Variants in STOML2 observed in about 807,000 individuals in gnomAD.
STOML2 encodes the protein stomatin-like protein 2, mitochondrial.
Under a neutral mutation model 45.7 loss-of-function variants are expected in STOML2, and 22 were observed. The ratio of observed to expected loss-of-function variants is 0.48; its 90% CI spans 0.34 to 0.69. The LOEUF (loss-of-function observed/expected upper bound fraction) is 0.69. Ranked by LOEUF, STOML2 falls within the 30% of genes least tolerant of loss-of-function variation. The pLI is 0.01. For synonymous variants in STOML2, 181 were observed against 182.7 expected, an observed-to-expected ratio of 0.99 and a Z score of 0.08; for missense variants, 359 against 466.9, an observed-to-expected ratio of 0.77 and a Z score of 2.13.
In STOML2 at chr9:35,102,150, C is replaced by T. The variant is rs1306097394; in HGVS notation, c.228G>A (p.Val76=). ...LIPVLDRIRY[V]QSLKEIVINV... ...TGATGACAATTTCCTTGAGACTCTG[C>T]ACATATCGGATCCGGTCTAACACAG... The change falls in exon 3 of 10, where the codon GTG becomes GTA. Residue 76 remains valine (V), a synonymous_variant. Coordinates refer to ENST00000356493, the MANE Select transcript of STOML2 (RefSeq NM_013442.3). The surrounding 1 kb of genome is among the most constrained non-coding windows in gnomAD (Gnocchi z 4.8). The T allele has an allele frequency of 6.2e-7, 1 of 1,613,836 alleles. No homozygotes were observed. The highest frequency in any genetic ancestry group is 8.5e-7 in the Non-Finnish European group (1 of 1,180,012).
In STOML2 at chr9:35,099,811, G is replaced by C. The variant is rs867145896; in HGVS notation, c.*224C>G. The C allele has an allele frequency of 1.9e-6, 1 of 515,402 alleles. No homozygotes were observed. Among genetic ancestry groups the C allele is most frequent in the African/African-American group, 1.9e-5 (1 of 52,572 alleles). 31.9% of individuals were successfully genotyped at this position (515,402 alleles called of 1,614,324 possible). ...TACAAGAAGTTCACTCTTATTCATG[G>C]AGGCATCATGCTGACAGGACTGGAT... On this transcript the variant is annotated 3_prime_UTR_variant, in exon 10 of 10. Coordinates refer to ENST00000356493, the MANE Select transcript of STOML2 (RefSeq NM_013442.3).
At position 35,102,555 on chromosome 9, in the gene STOML2, C is replaced by T; in HGVS notation, c.183+131G>A. 1.4e-6 allele frequency: 2 copies of T among 1,430,632 alleles called. No homozygotes were observed. The highest frequency in any genetic ancestry group is 9.4e-7 in the Non-Finnish European group (1 of 1,061,274). The allele number at this position is 1,430,632 out of a possible 1,614,324, so 88.6% of individuals were successfully genotyped here. A position where few individuals can be genotyped will look rare whatever the true frequency, so the allele number is the denominator to read the frequency against. ...TGGGGATGATGGTCAGCAGCCTGGG[C>T]CCTGTCAGGTCTGGCCTACAGAGTC... On this transcript the variant is annotated intron_variant, in intron 2 of 9. Coordinates refer to ENST00000356493, the MANE Select transcript of STOML2 (RefSeq NM_013442.3). The surrounding 1 kb of genome is among the most constrained non-coding windows in gnomAD (Gnocchi z 4.8).
Position 35,102,035 on chromosome 9 carries a change from G to T in STOML2, c.283+60C>A. On this transcript the variant is annotated intron_variant, in intron 3 of 9. Coordinates refer to ENST00000356493, the MANE Select transcript of STOML2 (RefSeq NM_013442.3). This position sits in a 1 kb window ranked among gnomAD's most constrained non-coding sequence, Gnocchi z 4.8. ...AACCAGTTCTTTCTACTAAGCTCTG[G>T]ATCTACAGCAACCACATCCTAATAG... The T allele has an allele frequency of 3.7e-6, 6 of 1,612,476 alleles. No homozygotes were observed. Among genetic ancestry groups the T allele is most frequent in the Non-Finnish European group, 4.2e-6 (5 of 1,178,592 alleles).
In STOML2 at chr9:35,101,857, A is replaced by T. The variant is rs1327354532; in HGVS notation, c.343-46T>A. 6.8e-6 allele frequency: 11 copies of T among 1,614,186 alleles called. No homozygotes were observed. The highest frequency in any genetic ancestry group is 9.3e-6 in the Non-Finnish European group (11 of 1,179,996). ...GTAAGAAGCTTGGGCACAAGATTTTAGTGAAGAGGGCAACTCAAAAGGCTG... is the reference window on the plus strand; with the variant it reads ...GTAAGAAGCTTGGGCACAAGATTTTTGTGAAGAGGGCAACTCAAAAGGCTG... On this transcript the variant is annotated intron_variant, in intron 4 of 9. Transcript: ENST00000356493. This position sits in a 1 kb window ranked among gnomAD's most constrained non-coding sequence, Gnocchi z 4.3.
rs1001434604 is a variant in STOML2 at position 35,102,982 on chromosome 9, G to A, written c.45+68C>T. 117 of 1,601,596 alleles carry A rather than the reference G, an allele frequency of 7.3e-5. 3 individuals carry two copies. Among genetic ancestry groups the A allele is most frequent in the South Asian group, 2.7e-4 (24 of 90,438 alleles). On this transcript the variant is annotated intron_variant, in intron 1 of 9. Transcript: ENST00000356493. The surrounding 1 kb of genome is among the most constrained non-coding windows in gnomAD (Gnocchi z 4.8). The stretch of plus-strand genomic sequence containing the variant: ...AGTCCTCTCCAAAAGTTGGAATTTC[G>A]CTCTTTTCCAGCGGAGAACCCAGGT...
rs1201570625 is a variant in STOML2, at chr9:35,100,050, T to A, written c.1056A>T (p.Arg352=). The A allele has an allele frequency of 1.2e-6, 2 of 1,614,200 alleles. No homozygotes were observed. The highest frequency in any genetic ancestry group is 3.3e-5 in the Admixed American group (2 of 60,026). Reference sequence around the variant, plus strand: ...CCCAGCTCCACTAACTCATCTTGACTCGATCAAGTTCCTCATCAAGACTTG... The same window carrying A: ...CCCAGCTCCACTAACTCATCTTGACACGATCAAGTTCCTCATCAAGACTTG... ...TDASLDEELD[R]VKMS The change falls in exon 10 of 10, where the codon CGA becomes CGT. Residue 352 remains arginine, a synonymous_variant. Transcript: ENST00000356493.
chr9:35,101,159 C>T lies in STOML2; in HGVS notation c.700G>A (p.Ala234Thr), dbSNP rs758721676. ...AQILASEAEK[A>T]EQINQAAGEA... is the part of the protein sequence containing the mutation. ...CCTGCTGCCTGATTTATCTGTTCAG[C>T]CTTTTCTGCTTCGGAGGCCAGGATC... Residue 234 changes from alanine (A) to threonine (T), a missense_variant, in exon 7 of 10, where the codon GCT becomes ACT. Physicochemically the swap from Ala to Thr is moderately conservative, Grantham distance 58. Coordinates refer to ENST00000356493, the MANE Select transcript of STOML2 (RefSeq NM_013442.3). The surrounding 1 kb of genome is among the most constrained non-coding windows in gnomAD (Gnocchi z 4.3). 1.2e-6 allele frequency: 2 copies of T among 1,614,244 alleles called. No individual in the cohort carries two copies. The highest frequency in any genetic ancestry group is 1.1e-5 in the South Asian group (1 of 91,086).
In STOML2 at chr9:35,102,789, C is replaced by G. The variant is rs756389373; in HGVS notation, c.80G>C (p.Arg27Pro). ...GTTTCGGGGCAATCCAGAGGAGGCG[C>G]GGCGCGGAGCGCGGCCAGAAGCCAG... ...SLLASGRAPR[R>P]ASSGLPRNTV... is the part of the protein sequence containing the mutation. The change falls in exon 2 of 10, where the codon CGC becomes CCC. Residue 27 changes from arginine to proline, a missense_variant. Around this residue, in one of 2 missense-constraint regions of STOML2, gnomAD observed 74 missense variants for 45.0 expected, o/e 1.65. Coordinates refer to ENST00000356493, the MANE Select transcript of STOML2 (RefSeq NM_013442.3). The surrounding 1 kb of genome is among the most constrained non-coding windows in gnomAD (Gnocchi z 4.8). 3 of 1,613,886 alleles carry G rather than the reference C, an allele frequency of 1.9e-6. No homozygotes were observed. The highest frequency in any genetic ancestry group is 2.5e-6 in the Non-Finnish European group (3 of 1,179,972).
Position 35,102,731 on chromosome 9 carries a change from G to A in STOML2, c.138C>T (p.Ala46=). The part of the protein sequence containing the change: ...TVVLFVPQQE[A]WVVERMGRFH... ...ATCGGCCCATTCGCTCCACCACCCA[G>A]GCCTCCTGCTGCGGCACGAACAGTA... Residue 46 remains alanine, a synonymous_variant, in exon 2 of 10, where the codon GCC becomes GCT. Coordinates refer to ENST00000356493, the MANE Select transcript of STOML2 (RefSeq NM_013442.3). This position sits in a 1 kb window ranked among gnomAD's most constrained non-coding sequence, Gnocchi z 4.8. 2 of 1,613,616 alleles carry A rather than the reference G, an allele frequency of 1.2e-6. No homozygotes were observed. The highest frequency in any genetic ancestry group is 1.7e-5 in the Admixed American group (1 of 60,020).
Position 35,101,234 on chromosome 9 carries a change from C to G in STOML2, c.625G>C (p.Gly209Arg). 1 of 1,614,186 alleles carries G rather than the reference C, an allele frequency of 6.2e-7. No homozygotes were observed. Among genetic ancestry groups the G allele is most frequent in the Non-Finnish European group, 8.5e-7 (1 of 1,180,042 alleles). Residue 209 changes from glycine to arginine, a missense_variant, in exon 7 of 10, where the codon GGG becomes CGG. By Grantham distance (125) the Gly-to-Arg change is moderately radical. Transcript: ENST00000356493. The surrounding 1 kb of genome is among the most constrained non-coding windows in gnomAD (Gnocchi z 4.3). ...ACATTGATGGCCGACTCTCGGGTCC[C>G]CTCAGACTCTAGAACTGTGGCCCGT... ...RKRATVLESE[G>R]TRESAINVAE...
chr9:35,100,205 A>G, intron 9 of STOML2, 33 bp from the exon 10 acceptor site: 1 of 1,610,206 alleles, frequency 6.2e-7, no homozygotes, highest in Non-Finnish European at 8.5e-7. Flanking sequence ...TACCATGAGG[A>G]CACTTGACAG....
In STOML2 at chr9:35,101,398, C is replaced by T. The variant is rs1447168642; in HGVS notation, c.579+28G>A. 1.9e-6 allele frequency: 3 copies of T among 1,612,920 alleles called. No individual in the cohort carries two copies. The highest frequency in any genetic ancestry group is 1.3e-5 in the African/African-American group (1 of 74,862). On this transcript the variant is annotated intron_variant, in intron 6 of 9. Coordinates refer to ENST00000356493, the MANE Select transcript of STOML2 (RefSeq NM_013442.3). The surrounding 1 kb of genome is among the most constrained non-coding windows in gnomAD (Gnocchi z 4.3). The stretch of plus-strand genomic sequence containing the variant: ...TCCTGGTACTGGAGCACCCTGAGGC[C>T]CTTTTCCCACCCCTCCTTGGCCCCC...
chr9:35,101,249 C>G lies in STOML2; in HGVS notation c.610G>C (p.Val204Leu). The change falls in exon 7 of 10, where the codon GTT (valine) becomes CTT (leucine). Residue 204 changes from valine to leucine, a missense_variant. Around this residue, in one of 2 missense-constraint regions of STOML2, gnomAD observed 285 missense variants for 422.0 expected, o/e 0.68. Transcript: ENST00000356493. This position sits in a 1 kb window ranked among gnomAD's most constrained non-coding sequence, Gnocchi z 4.3. ...TCTCGGGTCCCCTCAGACTCTAGAA[C>G]TGTGGCCCGTTTCCGCCGCTCTGCC... ...VEAERRKRAT[V>L]LESEGTRESA... 1 of 1,614,208 alleles carries G rather than the reference C, an allele frequency of 6.2e-7. No individual in the cohort carries two copies. The highest frequency in any genetic ancestry group is 8.5e-7 in the Non-Finnish European group (1 of 1,180,042).
At position 35,103,130 on chromosome 9, in the gene STOML2, A is replaced by T. The variant is rs1587194787; in HGVS notation, c.-36T>A. ...CGCAGCGACCTCCGGAACCAACGAG[A>T]CGAGCGGAGCGGTCGCTCCCAGAAG... On this transcript the variant is annotated 5_prime_UTR_variant, in exon 1 of 10. Transcript: ENST00000356493. 3.1e-6 allele frequency: 5 copies of T among 1,610,216 alleles called. No homozygotes were observed. In the South Asian group the frequency reaches 5.5e-5, roughly 18 times the overall value.
chr9:35,101,068 C>A lies in STOML2; in HGVS notation c.725-57G>T. ...CATGAAGTCAAAGTACCCCAAAGAT[C>A]CTGCCCCAGCACCAATCTTCAAAGG... On this transcript the variant is annotated intron_variant, in intron 7 of 9. Transcript: ENST00000356493. This position sits in a 1 kb window ranked among gnomAD's most constrained non-coding sequence, Gnocchi z 4.3. The A allele has an allele frequency of 6.2e-7, 1 of 1,612,398 alleles. No homozygotes were observed. Among genetic ancestry groups the A allele is most frequent in the South Asian group, 1.1e-5 (1 of 90,974 alleles).
At position 35,101,856 on chromosome 9, in the gene STOML2, T is replaced by C. The variant is rs1208286942; in HGVS notation, c.343-45A>G. On this transcript the variant is annotated intron_variant, in intron 4 of 9. Transcript: ENST00000356493. This position sits in a 1 kb window ranked among gnomAD's most constrained non-coding sequence, Gnocchi z 4.3. ...TGTAAGAAGCTTGGGCACAAGATTTTAGTGAAGAGGGCAACTCAAAAGGCT... is the reference window on the plus strand; with the variant it reads ...TGTAAGAAGCTTGGGCACAAGATTTCAGTGAAGAGGGCAACTCAAAAGGCT... 1.2e-6 allele frequency: 2 copies of C among 1,614,120 alleles called. No homozygotes were observed. The highest frequency in any genetic ancestry group is 2.2e-5 in the East Asian group (1 of 44,878).
chr9:35,101,127 C>T lies in STOML2; in HGVS notation c.724+8G>A, dbSNP rs377646364. Reference sequence around the variant, plus strand: ...TTGCTCCTCCCTCAGCCTCTACCCTCTCCTGACCTGCTGCCTGATTTATCT... The same window carrying T: ...TTGCTCCTCCCTCAGCCTCTACCCTTTCCTGACCTGCTGCCTGATTTATCT... On this transcript the variant is annotated splice_region_variant and intron_variant, in intron 7 of 9. Transcript: ENST00000356493. This position sits in a 1 kb window ranked among gnomAD's most constrained non-coding sequence, Gnocchi z 4.3. 2 of 1,614,252 alleles carry T rather than the reference C, an allele frequency of 1.2e-6. No homozygotes were observed. The highest frequency in any genetic ancestry group is 1.7e-6 in the Non-Finnish European group (2 of 1,180,040).
At position 35,101,504 on chromosome 9, in the gene STOML2, G is replaced by A. The variant is rs778287057; in HGVS notation, c.501C>T (p.Cys167=). 7 of 1,614,076 alleles carry A rather than the reference G, an allele frequency of 4.3e-6. No individual in the cohort carries two copies. In the South Asian group the frequency reaches 7.7e-5, roughly 18 times the overall value. The change falls in exon 6 of 10, where the codon TGC becomes TGT. Residue 167 remains cysteine (C), a synonymous_variant. Coordinates refer to ENST00000356493, the MANE Select transcript of STOML2 (RefSeq NM_013442.3). This position sits in a 1 kb window ranked among gnomAD's most constrained non-coding sequence, Gnocchi z 4.3. ...IVDAINQAAD[C]WGIRCLRYEI... is the part of the protein sequence containing the mutation. ...CATAACGGAGGCAGCGGATACCCCA[G>A]CAGTCAGCAGCTTGGTTGATGGCAT...
Position 35,102,058 on chromosome 9 carries a change from T to C in STOML2, c.283+37A>G. On this transcript the variant is annotated intron_variant, in intron 3 of 9. Transcript: ENST00000356493. The surrounding 1 kb of genome is among the most constrained non-coding windows in gnomAD (Gnocchi z 4.8). ...TGGATCTACAGCAACCACATCCTAA[T>C]AGCCTCAGAGCACCCATGTCACCCT... is the stretch of plus-strand genomic sequence containing the variant. 6.2e-7 allele frequency: 1 copy of C among 1,611,652 alleles called. No homozygotes were observed. The highest frequency in any genetic ancestry group is 8.5e-7 in the Non-Finnish European group (1 of 1,177,888).
Sources: allele counts gnomAD v4.1 joint callset, GRCh38; gene constraint gnomAD v4.1.1; regional missense constraint gnomAD v4.1.1; non-coding constraint Gnocchi (gnomAD v3.1); transcripts MANE v1.5; gene names NCBI Gene and HGNC (gene_info 2026-07-23, HGNC 2026-07-21).